NAV3: variants seen among roughly 807,000 people sequenced by gnomAD.
NAV3 encodes neuron navigator 3.
A neutral mutation model predicts 244.7 loss-of-function variants in NAV3; 87 were observed. The ratio of observed to expected loss-of-function variants is 0.36; its 90% confidence interval spans 0.30 to 0.42. The LOEUF is 0.42. NAV3 is among the 20% of genes least tolerant of loss of function. The pLI is 1.00. For missense variants in NAV3, 2,663 were observed against 2,893.3 expected (o/e 0.92, Z 1.83); for synonymous variants, 1,126 against 1,042.2 (o/e 1.08, Z -1.55).
intron 1 of NAV3, among the ~76,000 whole-genome samples, chr12:77,919,703 T>G (rs1254901171): frequency 6.6e-6 from 1 of 152,074 alleles, no homozygotes; most frequent in Non-Finnish European, 1.5e-5. Flanking sequence ...AAACATCTGT[T>G]TCCTTATGAG....
intron 39 of NAV3, among the ~76,000 whole-genome samples, chr12:78,206,165 A>AAT (rs1212453805): frequency 3.3e-4 from 49 of 149,936 alleles, no homozygotes; most frequent in Non-Finnish European, 5.6e-4. Context: ...AAATCACTGA[A>AAT]GTATATATAT....
At position 77,900,540 on chromosome 12, in the gene NAV3, G is replaced by T. The variant is rs1885160890; in HGVS notation, c.244-39779G>T. ...TTTCATTATTTTTTATGGCTGCATA[G>T]TATTCCATGGCGTGTGCACATGCAC... On this transcript the variant is annotated intron_variant, in intron 1 of 39. Coordinates refer to ENST00000397909, the MANE Select transcript of NAV3 (RefSeq NM_001024383.2). 2.0e-5 allele frequency among the ~76,000 whole-genome samples: 3 copies of T among 152,158 alleles called. No individual in the cohort carries two copies. In the South Asian group the frequency reaches 6.2e-4, roughly 32 times the overall value.
intron 2 of NAV3, among the ~76,000 whole-genome samples, chr12:77,715,813 AG>A (rs1285083218): frequency 6.6e-6 from 1 of 151,430 alleles, no homozygotes; most frequent in African/African-American, 2.4e-5. Context: ...TTTTGCTGAG[AG>A]TAAAAAAAAG....
intron 9 of NAV3, among the ~76,000 whole-genome samples, chr12:78,039,254 C>A (rs1370030977): frequency 6.6e-6 from 1 of 152,104 alleles, no homozygotes; most frequent in East Asian, 1.9e-4. Flanking sequence ...ATTTCTACCA[C>A]GTGCTTCAAT....
At chr12:77,659,681 T>C (rs1873333381) in intron 2 of NAV3, among the ~76,000 whole-genome samples, 1 of 152,128 alleles carries the variant, frequency 6.6e-6, no homozygotes, top group Non-Finnish European at 1.5e-5. Context: ...TGCGGCACTA[T>C]TCACAATAGC....
rs112068160 is a variant in NAV3, at chr12:77,899,546, T to C, written c.244-40773T>C. On this transcript the variant is annotated intron_variant, in intron 1 of 39. Transcript: ENST00000397909. ...AATTAAGGTATGCACATTACATTTT[T>C]AGACGTAATACTCATGCACACTTAA... Among the ~76,000 whole-genome samples, 1,114 of 152,364 alleles carry C rather than the reference T, an allele frequency of 7.3e-3. 10 individuals carry two copies. The highest frequency in any genetic ancestry group is 0.043 in the South Asian group (209 of 4,830).
At chr12:78,163,597 T>A (rs1008638693) in intron 23 of NAV3, among the ~76,000 whole-genome samples, 4 of 151,794 alleles carry the variant, frequency 2.6e-5, no homozygotes, top group Non-Finnish European at 5.9e-5. Context: ...AAATAAAAAA[T>A]AAAAAATAGT....
chr12:77,680,598 C>A (rs534777810), intron 2 of NAV3, among the ~76,000 whole-genome samples: 4 of 152,168 alleles, frequency 2.6e-5, no homozygotes, highest in Non-Finnish European at 5.9e-5. Flanking sequence ...TTTTGTACTT[C>A]ATTGCCAAAT....
At chr12:78,034,271 T>C (rs1055520416) in intron 9 of NAV3, among the ~76,000 whole-genome samples, 4 of 152,170 alleles carry the variant, frequency 2.6e-5, no homozygotes, top group Admixed American at 2.6e-4. Flanking sequence ...TTCCAGATAT[T>C]GCCAAATGTC....
At position 77,840,028 on chromosome 12, in the gene NAV3, G is replaced by A. The variant is rs770469243; in HGVS notation, c.243+8324G>A. 1.9e-4 allele frequency among the ~76,000 whole-genome samples: 29 copies of A among 152,140 alleles called. 2 individuals carry two copies. Among genetic ancestry groups the A allele is most frequent in the Admixed American group, 9.8e-4 (15 of 15,280 alleles). ...GTGGAGGTTGTAGTGAGCCGAGATC[G>A]CGCCACTGTACTCCAGCCTGGGGGA... On this transcript the variant is annotated intron_variant, in intron 1 of 39. Transcript: ENST00000397909.
chr12:78,020,976 T>C (rs1260254874), intron 8 of NAV3, among the ~76,000 whole-genome samples: 1 of 152,134 alleles, frequency 6.6e-6, no homozygotes, highest in Non-Finnish European at 1.5e-5. Context: ...GTGTGTTAGT[T>C]TGTGTCAAAT....
chr12:78,028,771 G>T (rs1878495978), intron 9 of NAV3, among the ~76,000 whole-genome samples: 1 of 152,180 alleles, frequency 6.6e-6, no homozygotes, highest in South Asian at 2.1e-4. Context: ...ATGACTGCAA[G>T]AATTTATTTG....
intron 1 of NAV3, among the ~76,000 whole-genome samples, chr12:77,921,890 G>A (rs1481439360): frequency 1.3e-5 from 2 of 152,088 alleles, no homozygotes; most frequent in African/African-American, 4.8e-5. Context: ...ATGAATCTGA[G>A]CTTCAATTGT....
intron 2 of NAV3, among the ~76,000 whole-genome samples, chr12:77,672,869 T>TAAAATTGATTTTAAAACTATA (rs1163748578): frequency 6.6e-6 from 1 of 152,168 alleles, no homozygotes; most frequent in Non-Finnish European, 1.5e-5. Flanking sequence ...TTAGTTAGTG[T>TAAAATTGATTTTAAAACTATA]AAAATTGATT....
intron 11 of NAV3, among the ~76,000 whole-genome samples, chr12:78,055,504 A>G (rs1251243311): frequency 1.3e-5 from 2 of 152,306 alleles, no homozygotes; most frequent in East Asian, 3.9e-4. Context: ...GTAACTTAAC[A>G]CAAAGAAGCT....
chr12:77,586,001 A>C (rs1249707427), intron 2 of NAV3, among the ~76,000 whole-genome samples: 2 of 152,062 alleles, frequency 1.3e-5, no homozygotes, highest in South Asian at 2.1e-4. Flanking sequence ...TCTCTACTAA[A>C]AATACAAAAA....
intron 1 of NAV3, among the ~76,000 whole-genome samples, chr12:77,886,086 T>C (rs1883252814): frequency 6.6e-6 from 1 of 152,096 alleles, no homozygotes; most frequent in Admixed American, 6.6e-5. Flanking sequence ...GTCGATAGTC[T>C]CAATCCAGGC....
chr12:77,715,977 A>G (rs1262771777), intron 2 of NAV3, among the ~76,000 whole-genome samples: 3 of 152,050 alleles, frequency 2.0e-5, no homozygotes, highest in Non-Finnish European at 4.4e-5. Flanking sequence ...GACCATTATC[A>G]AGATTTAAAG....
chr12:78,101,524 T>G (rs886983495), intron 12 of NAV3, among the ~76,000 whole-genome samples: 6 of 152,182 alleles, frequency 3.9e-5, no homozygotes, highest in South Asian at 2.1e-4. Flanking sequence ...AAAATCATTT[T>G]AGTATATCAG....
Sources: allele counts gnomAD v4.1 joint callset (sites outside exome capture counted in the v4.1 genomes callset), GRCh38; gene constraint gnomAD v4.1.1; transcripts MANE v1.5; gene names NCBI Gene and HGNC (gene_info 2026-07-23, HGNC 2026-07-21).